The following KCNMA1 variants were observed in gnomAD, a reference collection of about 807,000 sequenced individuals.
KCNMA1 encodes the protein Calcium-activated potassium channel subunit alpha-1.
A neutral mutation model predicts 140.0 loss-of-function variants in KCNMA1; 29 were observed. That is an observed-to-expected ratio of 0.21 (90% CI 0.15 to 0.28). KCNMA1 has a LOEUF of 0.28. Ranked by LOEUF, KCNMA1 falls within the 10% of genes least tolerant of loss-of-function variation. The probability of loss-of-function intolerance (pLI) is 1.00; values close to 1 mark genes in which losing one functional copy is unlikely to be tolerated. For missense variants in KCNMA1, 880 were observed against 1,602.2 expected, an observed-to-expected ratio of 0.55 and a Z score of 7.70; for synonymous variants, 612 against 611.9, an observed-to-expected ratio of 1.00 and a Z score of 0.00.
intron 1 of KCNMA1, among the ~76,000 whole-genome samples, chr10:77,542,599 C>T (rs1454539022): frequency 2.0e-5 from 3 of 152,132 alleles, no homozygotes; most frequent in Non-Finnish European, 4.4e-5. Context: ...AAAAGATACG[C>T]AGGGAGGCTT....
At chr10:77,574,972 G>T (rs1157695285) in intron 1 of KCNMA1, among the ~76,000 whole-genome samples, 1 of 152,212 alleles carries the variant, frequency 6.6e-6, no homozygotes, top group Non-Finnish European at 1.5e-5. Flanking sequence ...TGGGACCACA[G>T]ATCGTACCAC....
At chr10:77,101,693 C>T (rs2097101545) in intron 9 of KCNMA1, among the ~76,000 whole-genome samples, 2 of 152,148 alleles carry the variant, frequency 1.3e-5, no homozygotes, top group African/African-American at 4.8e-5. Flanking sequence ...AAGCTTCAGT[C>T]ACATTTCGAC....
intron 2 of KCNMA1, among the ~76,000 whole-genome samples, chr10:77,381,786 T>G (rs1347586714): frequency 6.6e-6 from 1 of 152,110 alleles, no homozygotes; most frequent in Admixed American, 6.6e-5. Flanking sequence ...GAGCCCTTCT[T>G]CCCCACAGAT....
At chr10:77,169,507 A>G (rs1329332400) in intron 5 of KCNMA1, among the ~76,000 whole-genome samples, 6 of 152,050 alleles carry the variant, frequency 3.9e-5, no homozygotes, top group Non-Finnish European at 8.8e-5. Context: ...CTCCCACCTC[A>G]GCCTCCTGAG....
chr10:77,480,517 G>GA (rs1475626574), intron 1 of KCNMA1, among the ~76,000 whole-genome samples: 1 of 151,994 alleles, frequency 6.6e-6, no homozygotes, highest in African/African-American at 2.4e-5. Context: ...AAGCATCCCA[G>GA]AAAAAAAGAA....
At chr10:77,224,294 G>A (rs2050618820) in intron 3 of KCNMA1, among the ~76,000 whole-genome samples, 1 of 152,226 alleles carries the variant, frequency 6.6e-6, no homozygotes, top group African/African-American at 2.4e-5. Context: ...CTTCTGAACA[G>A]TTTCTAAAAA....
At chr10:77,252,981 C>A (rs1398612406) in intron 2 of KCNMA1, among the ~76,000 whole-genome samples, 1 of 152,130 alleles carries the variant, frequency 6.6e-6, no homozygotes, top group African/African-American at 2.4e-5. Flanking sequence ...TCACCTCAAC[C>A]CCTCCCATCA....
At chr10:77,619,071 A>G (rs1357303777) in intron 1 of KCNMA1, among the ~76,000 whole-genome samples, 1 of 152,244 alleles carries the variant, frequency 6.6e-6, no homozygotes. Context: ...ACCTTGTGAA[A>G]GGACTTCACT....
chr10:77,538,859 T>G (rs140872067), intron 1 of KCNMA1, among the ~76,000 whole-genome samples: 5 of 152,342 alleles, frequency 3.3e-5, no homozygotes, highest in Non-Finnish European at 7.3e-5. Context: ...TCAAGACTGA[T>G]TCAGGGGACA....
At chr10:77,559,405 A>G (rs2065608074) in intron 1 of KCNMA1, among the ~76,000 whole-genome samples, 1 of 152,168 alleles carries the variant, frequency 6.6e-6, no homozygotes, top group Non-Finnish European at 1.5e-5. Flanking sequence ...GTGCCCAGGC[A>G]GCTGTGTAAT....
At chr10:77,502,966 G>A (rs761621319) in intron 1 of KCNMA1, among the ~76,000 whole-genome samples, 21 of 152,172 alleles carry the variant, frequency 1.4e-4, no homozygotes, top group South Asian at 1.0e-3. Context: ...AAGACCGCTC[G>A]GTGAGCTGAG....
intron 1 of KCNMA1, among the ~76,000 whole-genome samples, chr10:77,439,118 AAGAGAAGAGAAGAGAAGAGAAGAGAAG>A (rs1176852817): frequency 6.9e-6 from 1 of 144,670 alleles, no homozygotes; most frequent in African/African-American, 2.6e-5. Flanking sequence ...AAGAGAAGAG[AAGAGAAGAGAAGAGAAGAGAAGAGAAG>A]AGAAAAGAGA....
intron 20 of KCNMA1, among the ~76,000 whole-genome samples, chr10:76,969,307 A>AAGGAAGGGAGGAAGGAAGGAAGGAAGGG (rs796260144): frequency 1.3e-5 from 2 of 148,738 alleles, no homozygotes; most frequent in Admixed American, 6.7e-5. Flanking sequence ...GGAGGGAAGG[A>AAGGAAGGGAGGAAGGAAGGAAGGAAGGG]AGGAAGGAAG....
At chr10:77,551,689 G>A (rs2062887659) in intron 1 of KCNMA1, among the ~76,000 whole-genome samples, 1 of 152,154 alleles carries the variant, frequency 6.6e-6, no homozygotes, top group South Asian at 2.1e-4. Flanking sequence ...GCTAGGATTC[G>A]ACTGATGCTG....
At chr10:77,072,450 G>A (rs1380132367) in intron 14 of KCNMA1, among the ~76,000 whole-genome samples, 56 of 151,890 alleles carry the variant, frequency 3.7e-4, no homozygotes, top group Non-Finnish European at 2.9e-5. Flanking sequence ...TGCCTGCACT[G>A]GTGCAGCAGG....
At position 77,039,883 on chromosome 10, in the gene KCNMA1, C is replaced by CTTTTTTTTTTTTT. The variant is rs34943268; in HGVS notation, c.1750-259_1750-247dup. The stretch of plus-strand genomic sequence containing the variant: ...TCTTTCCTTTTTCTTTTTTCTTTTT[C>CTTTTTTTTTTTTT]TTTTTTTTTTTTTTTTTTTTTTTGA... On this transcript the variant is annotated intron_variant, in intron 14 of 27. Coordinates refer to ENST00000286628, the MANE Select transcript of KCNMA1 (RefSeq NM_001161352.2). 5.7e-4 allele frequency among the ~76,000 whole-genome samples: 45 copies of CTTTTTTTTTTTTT among 78,970 alleles called. 1 individual carries two copies. Among genetic ancestry groups the CTTTTTTTTTTTTT allele is most frequent in the East Asian group, 2.1e-3 (5 of 2,326 alleles). The allele number at this position is 78,970 out of a possible 152,430, so 51.8% of individuals were successfully genotyped here. A position where few individuals can be genotyped will look rare whatever the true frequency, so the allele number is the denominator to read the frequency against.
chr10:77,291,458 C>T (rs2073219353), intron 2 of KCNMA1, among the ~76,000 whole-genome samples: 1 of 152,076 alleles, frequency 6.6e-6, no homozygotes, highest in Non-Finnish European at 1.5e-5. Context: ...CATAAATTAC[C>T]CACATAAATC....
chr10:77,062,876 C>T (rs1208011761), intron 14 of KCNMA1, among the ~76,000 whole-genome samples: 5 of 152,156 alleles, frequency 3.3e-5, no homozygotes, highest in Non-Finnish European at 7.3e-5. Context: ...GTGGGGAAAG[C>T]GCTGAGCTGA....
At chr10:77,154,681 T>C (rs1258659516) in intron 5 of KCNMA1, among the ~76,000 whole-genome samples, 2 of 152,166 alleles carry the variant, frequency 1.3e-5, no homozygotes, top group Non-Finnish European at 2.9e-5. Context: ...TTTCATGCAA[T>C]AAATATTTAT....
Sources: gnomAD v4.1 joint callset for allele counts (sites outside exome capture counted in the v4.1 genomes callset) on GRCh38, gnomAD v4.1.1 for gene constraint, MANE v1.5 for transcripts, NCBI Gene and HGNC (gene_info 2026-07-23, HGNC 2026-07-21) for gene names.